Variants in ZDHHC21 observed in about 807,000 individuals in gnomAD.
ZDHHC21 encodes zDHHC palmitoyltransferase 21.
A neutral mutation model predicts 34.6 loss-of-function variants in ZDHHC21; 15 were observed. That is an observed-to-expected ratio of 0.43 (90% confidence interval 0.29 to 0.67). ZDHHC21 has a LOEUF of 0.67. ZDHHC21 is among the 30% of genes least tolerant of loss of function. The probability of loss-of-function intolerance (pLI) is 0.14; values close to 1 mark genes in which losing one functional copy is unlikely to be tolerated. For synonymous variants in ZDHHC21, 142 were observed against 101.8 expected (o/e 1.40, Z -2.38); for missense variants, 344 against 327.7 (o/e 1.05, Z -0.38).
rs1586866472 is a variant in ZDHHC21, at chr9:14,617,734, T to C, written c.*1232A>G. 1 of 152,042 alleles carries C rather than the reference T, an allele frequency of 6.6e-6. No homozygotes were observed. The highest frequency in any genetic ancestry group is 1.5e-5 in the Non-Finnish European group (1 of 67,940). 9.4% of individuals were successfully genotyped at this position (152,042 alleles called of 1,614,324 possible). ...GCAAAAGAACATCACTATTAGTAAT[T>C]TACATTTGTACAAGGCTAATGATAA... On this transcript the variant is annotated 3_prime_UTR_variant, in exon 10 of 10. Transcript: ENST00000380916.
intron 5 of ZDHHC21, among the ~76,000 whole-genome samples, chr9:14,666,073 G>C (rs1834379201): frequency 6.7e-6 from 1 of 150,068 alleles, no homozygotes; most frequent in African/African-American, 2.4e-5. Flanking sequence ...AAAGAGTCAA[G>C]ACCCATCACT....
At chr9:14,590,142 A>G in the ZDHHC21 span, 1 of 152,360 alleles carries the variant, frequency 6.6e-6, no homozygotes, top group South Asian at 2.1e-4. Flanking sequence ...GAAAAATACA[A>G]TATCTAAAAT....
chr9:14,663,882 G>C (rs1306203977), intron 5 of ZDHHC21, among the ~76,000 whole-genome samples: 1 of 152,162 alleles, frequency 6.6e-6, no homozygotes, highest in Admixed American at 6.5e-5. Context: ...ACCTCTAAGT[G>C]AAATAAAAAC....
chr9:14,600,396 T>A, the ZDHHC21 span, among the ~76,000 whole-genome samples: 1 of 152,212 alleles, frequency 6.6e-6, no homozygotes, highest in East Asian at 1.9e-4. Flanking sequence ...TGAACTCCCA[T>A]TCACAACTGC....
downstream of ZDHHC21, among the ~76,000 whole-genome samples, chr9:14,609,936 A>C (rs12005430): frequency 0.049 from 7,453 of 152,126 alleles, 611 homozygotes; most frequent in African/African-American, 0.17. Context: ...CAAAATAACA[A>C]TTCAATTGGT....
At chr9:14,667,336 G>T (rs1390237885) in intron 5 of ZDHHC21, among the ~76,000 whole-genome samples, 3 of 150,460 alleles carry the variant, frequency 2.0e-5, no homozygotes, top group Non-Finnish European at 4.5e-5. Context: ...AATAACAGGA[G>T]CTGAAATTGT....
rs146043455 is a variant in ZDHHC21 at position 14,621,680 on chromosome 9, T to C, written c.622-1998A>G. Among the ~76,000 whole-genome samples the C allele has an allele frequency of 1.2e-3, 182 of 152,212 alleles. 1 individual carries two copies. The highest frequency in any genetic ancestry group is 4.0e-3 in the African/African-American group (166 of 41,570). ...ACTGTTATAAGTACAATTTGTATTT[T>C]AGCAACCAAACATGTCATCAAGTTT... On this transcript the variant is annotated intron_variant, in intron 8 of 9. Coordinates refer to ENST00000380916, the MANE Select transcript of ZDHHC21 (RefSeq NM_178566.6).
intron 5 of ZDHHC21, among the ~76,000 whole-genome samples, chr9:14,664,756 A>C (rs1246684481): frequency 6.6e-6 from 1 of 152,034 alleles, no homozygotes; most frequent in East Asian, 1.9e-4. Flanking sequence ...CTCACACAGC[A>C]GGGTATTCCA....
At chr9:14,605,051 A>G in the ZDHHC21 span, among the ~76,000 whole-genome samples, 1 of 152,138 alleles carries the variant, frequency 6.6e-6, no homozygotes, top group African/African-American at 2.4e-5. Context: ...TTCCTTTTCT[A>G]TGGCTGAATA....
At chr9:14,651,632 T>C (rs1831260342) in intron 7 of ZDHHC21, among the ~76,000 whole-genome samples, 1 of 151,908 alleles carries the variant, frequency 6.6e-6, no homozygotes, top group Non-Finnish European at 1.5e-5. Flanking sequence ...ACCAATAAAA[T>C]ATTCATGGAT....
rs926439491 is a variant in ZDHHC21 at position 14,648,893 on chromosome 9, A to T, written c.505-8881T>A. Among the ~76,000 whole-genome samples, 9 of 152,090 alleles carry T rather than the reference A, an allele frequency of 5.9e-5. 1 individual carries two copies. Among genetic ancestry groups the T allele is most frequent in the Admixed American group, 5.9e-4 (9 of 15,246 alleles). On this transcript the variant is annotated intron_variant, in intron 7 of 9. Transcript: ENST00000380916. Reference sequence around the variant, plus strand: ...AATTTTTATTTATAAACCACAGCTTATACGTACTTTTCTGTGTTTTTATAA... The same window carrying T: ...AATTTTTATTTATAAACCACAGCTTTTACGTACTTTTCTGTGTTTTTATAA...
chr9:14,658,495 C>A (rs1485114417), intron 7 of ZDHHC21, among the ~76,000 whole-genome samples: 10 of 15,890 alleles, frequency 6.3e-4, no homozygotes, highest in African/African-American at 1.6e-3. Context: ...TTTTTTGAGA[C>A]GGAGTCTCGC....
chr9:14,619,264 C>A (rs1824829268), intron 9 of ZDHHC21, among the ~76,000 whole-genome samples, 166 bp from the exon 10 acceptor site: 1 of 152,058 alleles, frequency 6.6e-6, no homozygotes, highest in African/African-American at 2.4e-5. Flanking sequence ...TGAGTTTTAA[C>A]TCTGGATAGC....
chr9:14,662,699 A>G (rs1833628647), intron 5 of ZDHHC21, among the ~76,000 whole-genome samples: 1 of 152,232 alleles, frequency 6.6e-6, no homozygotes, highest in South Asian at 2.1e-4. Context: ...ATTGATTTCT[A>G]GAAATTTCAT....
intron 5 of ZDHHC21, among the ~76,000 whole-genome samples, chr9:14,668,292 A>T (rs1314755712): frequency 4.7e-5 from 6 of 127,196 alleles, no homozygotes; most frequent in Non-Finnish European, 8.3e-5. Context: ...TCCAACTTAC[A>T]AGGGATGTGA....
intron 5 of ZDHHC21, among the ~76,000 whole-genome samples, chr9:14,664,890 G>C (rs992680242): frequency 3.2e-4 from 49 of 151,702 alleles, no homozygotes; most frequent in African/African-American, 1.2e-3. Flanking sequence ...AAATCACAAA[G>C]ATGGGGAAAA....
At chr9:14,685,125 T>C (rs1426519084) in intron 2 of ZDHHC21, among the ~76,000 whole-genome samples, 2 of 151,806 alleles carry the variant, frequency 1.3e-5, no homozygotes, top group African/African-American at 4.8e-5. Flanking sequence ...GGCAATACCA[T>C]TCAGGACATA....
Position 14,612,283 on chromosome 9 carries a change from G to C in ZDHHC21, c.*6683C>G, listed in dbSNP as rs1479096789. On this transcript the variant is annotated 3_prime_UTR_variant, in exon 10 of 10. Coordinates refer to ENST00000380916, the MANE Select transcript of ZDHHC21 (RefSeq NM_178566.6). ...TACATTCAAGGAGAGGTTGATTTTAGCTAACAATAATGCAAAATATTTTCA... is the reference window on the plus strand; with the variant it reads ...TACATTCAAGGAGAGGTTGATTTTACCTAACAATAATGCAAAATATTTTCA... The C allele has an allele frequency of 6.6e-6, 1 of 151,882 alleles. No homozygotes were observed. Among genetic ancestry groups the C allele is most frequent in the Non-Finnish European group, 1.5e-5 (1 of 67,922 alleles). The allele number at this position is 151,882 out of a possible 1,614,324, so 9.4% of individuals were successfully genotyped here. A position where few individuals can be genotyped will look rare whatever the true frequency, so the allele number is the denominator to read the frequency against.
intron 2 of ZDHHC21, among the ~76,000 whole-genome samples, chr9:14,683,041 T>C (rs1162899409): frequency 1.3e-5 from 2 of 152,178 alleles, no homozygotes; most frequent in South Asian, 2.1e-4. Context: ...AACCAGTGTG[T>C]AGAGCGAAAT....
Sources: allele counts gnomAD v4.1 joint callset (sites outside exome capture counted in the v4.1 genomes callset), GRCh38; gene constraint gnomAD v4.1.1; transcripts MANE v1.5; gene names NCBI Gene and HGNC (gene_info 2026-07-23, HGNC 2026-07-21).